Variants in ZC3H13 observed in about 807,000 individuals in gnomAD.
The protein encoded by ZC3H13 is zinc finger CCCH-type containing 13, also known as zinc finger CCCH domain-containing protein 13.
A neutral mutation model predicts 204.1 loss-of-function variants in ZC3H13; 64 were observed. That is an observed-to-expected ratio of 0.31 (90% CI 0.26 to 0.39). ZC3H13 has a LOEUF of 0.39. ZC3H13 is among the 10% of genes least tolerant of loss of function. The probability of loss-of-function intolerance (pLI) is 1.00; values close to 1 mark genes in which losing one functional copy is unlikely to be tolerated. For missense variants in ZC3H13, 1,833 were observed against 2,082.7 expected, an observed-to-expected ratio of 0.88 and a Z score of 2.33; for synonymous variants, 667 against 693.7, an observed-to-expected ratio of 0.96 and a Z score of 0.60.
chr13:45,976,272 G>GA (rs1207096414), intron 11 of ZC3H13: 135 of 943,434 alleles, frequency 1.4e-4, no homozygotes, highest in East Asian at 3.5e-4. Context: ...GGAGCTGAAG[G>GA]AAAAAAAAAA....
rs1951190196 is a variant in ZC3H13 at position 45,954,603 on chromosome 13, C to T, written c.*2524G>A. On this transcript the variant is annotated 3_prime_UTR_variant, in exon 19 of 19. Transcript: ENST00000679008. ...AGGAAAATCAGTAAAAGGGAATATC[C>T]TTAAAAGTGGGAGGGGTTCATATAA... 1 of 152,086 alleles carries T rather than the reference C, an allele frequency of 6.6e-6. No individual in the cohort carries two copies. Among genetic ancestry groups the T allele is most frequent in the African/African-American group, 2.4e-5 (1 of 41,404 alleles). 9.4% of individuals were successfully genotyped at this position (152,086 alleles called of 1,614,324 possible). A position where few individuals can be genotyped will look rare whatever the true frequency, so the allele number is the denominator to read the frequency against.
intron 5 of ZC3H13, among the ~76,000 whole-genome samples, chr13:46,014,740 C>G (rs1252497428): frequency 6.6e-6 from 1 of 152,006 alleles, no homozygotes; most frequent in Non-Finnish European, 1.5e-5. Context: ...CCTTATATTC[C>G]TCCTACAGCC....
intron 11 of ZC3H13, among the ~76,000 whole-genome samples, chr13:45,979,256 T>C (rs975683061): frequency 1.3e-5 from 2 of 152,174 alleles, no homozygotes; most frequent in African/African-American, 4.8e-5. Flanking sequence ...GATCACCTGA[T>C]AGATGAACAG....
chr13:46,009,145 T>C (rs1296892197), intron 7 of ZC3H13, among the ~76,000 whole-genome samples: 1 of 151,986 alleles, frequency 6.6e-6, no homozygotes, highest in African/African-American at 2.4e-5. Flanking sequence ...TAAAGAGAAA[T>C]GGGAAAACTT....
chr13:45,968,118 T>C, intron 14 of ZC3H13, 90 bp from the exon 15 acceptor site: 1 of 1,362,556 alleles, frequency 7.3e-7, no homozygotes, highest in South Asian at 1.6e-5. Context: ...AAAACATAAT[T>C]TACCTTTTTC....
At chr13:45,979,180 C>G (rs1008420288) in intron 11 of ZC3H13, among the ~76,000 whole-genome samples, 10 of 151,978 alleles carry the variant, frequency 6.6e-5, no homozygotes, top group Admixed American at 5.2e-4. Flanking sequence ...AAAAGCTTGC[C>G]AAAGAAAGTA....
At chr13:46,011,179 C>T (rs553528232) in intron 6 of ZC3H13, among the ~76,000 whole-genome samples, 1 of 152,252 alleles carries the variant, frequency 6.6e-6, no homozygotes, top group African/African-American at 2.4e-5. Flanking sequence ...TAGCTGGTGA[C>T]TCTAGGCAAC....
chr13:45,994,006 AG>A (rs1188793074), intron 8 of ZC3H13, among the ~76,000 whole-genome samples: 1 of 152,258 alleles, frequency 6.6e-6, no homozygotes, highest in Non-Finnish European at 1.5e-5. Context: ...TGAACAACAC[AG>A]GGTCCACACT....
At chr13:45,976,273 A>G (rs1484551714) in intron 11 of ZC3H13, 13 of 967,306 alleles carry the variant, frequency 1.3e-5, no homozygotes, top group African/African-American at 1.8e-5. Flanking sequence ...GAGCTGAAGG[A>G]AAAAAAAAAT....
chr13:46,007,500 G>A (rs927721872), intron 7 of ZC3H13, among the ~76,000 whole-genome samples: 4 of 152,182 alleles, frequency 2.6e-5, no homozygotes, highest in South Asian at 2.1e-4. Context: ...TTGACTTTAC[G>A]TGAGAAATAA....
At chr13:46,008,524 C>T (rs1328305597) in intron 7 of ZC3H13, among the ~76,000 whole-genome samples, 2 of 151,960 alleles carry the variant, frequency 1.3e-5, no homozygotes, top group Admixed American at 6.6e-5. Context: ...GGATGTGTTA[C>T]TAATAAAGAA....
At chr13:45,972,953 A>G (rs1430977098) in intron 12 of ZC3H13, among the ~76,000 whole-genome samples, 3 of 152,222 alleles carry the variant, frequency 2.0e-5, no homozygotes, top group Admixed American at 6.5e-5. Flanking sequence ...TGCCAGACAC[A>G]TGAATGAGAC....
chr13:45,971,926 G>A (rs1952616088), intron 12 of ZC3H13, among the ~76,000 whole-genome samples: 1 of 151,790 alleles, frequency 6.6e-6, no homozygotes, highest in Admixed American at 6.6e-5. Context: ...AATCATCAGG[G>A]AAATACAAAT....
intron 4 of ZC3H13, among the ~76,000 whole-genome samples, chr13:46,041,057 C>G (rs933079912): frequency 1.3e-5 from 2 of 152,134 alleles, no homozygotes; most frequent in African/African-American, 4.8e-5. Flanking sequence ...TACCGTAGAA[C>G]TTGTCAACTC....
intron 17 of ZC3H13, chr13:45,963,396 A>C (rs1439797145): frequency 3.0e-6 from 3 of 988,698 alleles, no homozygotes; most frequent in African/African-American, 1.7e-5. Flanking sequence ...ACCACTGAGC[A>C]CTTTGATATT....
At chr13:46,007,179 C>A (rs1476265745) in intron 7 of ZC3H13, among the ~76,000 whole-genome samples, 1 of 151,924 alleles carries the variant, frequency 6.6e-6, no homozygotes, top group Non-Finnish European at 1.5e-5. Context: ...TTCTTCTGAG[C>A]ACAGTGGTAA....
At chr13:46,027,447 A>C (rs2042612618) in intron 4 of ZC3H13, among the ~76,000 whole-genome samples, 1 of 152,230 alleles carries the variant, frequency 6.6e-6, no homozygotes, top group African/African-American at 2.4e-5. Flanking sequence ...ACTCTATGCA[A>C]ACAAGTTTGA....
chr13:45,999,229 C>T (rs902347980), intron 8 of ZC3H13, among the ~76,000 whole-genome samples: 18 of 151,898 alleles, frequency 1.2e-4, no homozygotes, highest in Non-Finnish European at 4.4e-5. Flanking sequence ...TGGGTAATAG[C>T]GAGACACAGT....
chr13:45,982,033 A>T (rs1230701921), intron 10 of ZC3H13, among the ~76,000 whole-genome samples: 3 of 150,054 alleles, frequency 2.0e-5, no homozygotes, highest in Non-Finnish European at 4.5e-5. Context: ...ATAAAATAAT[A>T]AATAAATAAA....
Sources: gnomAD v4.1 joint callset for allele counts (sites outside exome capture counted in the v4.1 genomes callset) on GRCh38, gnomAD v4.1.1 for gene constraint, MANE v1.5 for transcripts, NCBI Gene and HGNC (gene_info 2026-07-23, HGNC 2026-07-21) for gene names.